The following MAGI2 variants were observed in gnomAD, a reference collection of about 807,000 sequenced individuals.
MAGI2 encodes membrane associated guanylate kinase, WW and PDZ domain containing 2, also known as membrane-associated guanylate kinase, WW and PDZ domain-containing protein 2.
MAGI2 carries 35 observed loss-of-function variants against 133.3 expected under a neutral mutation model. That is an observed-to-expected ratio of 0.26 (90% CI 0.20 to 0.35). The LOEUF is 0.35. Ranked by LOEUF, MAGI2 falls within the 10% of genes least tolerant of loss-of-function variation. The probability of loss-of-function intolerance (pLI) is 1.00; values close to 1 mark genes in which losing one functional copy is unlikely to be tolerated. For missense variants in MAGI2, 1,636 were observed against 1,863.4 expected (o/e 0.88, Z 2.25); for synonymous variants, 729 against 710.6 (o/e 1.03, Z -0.41).
chr7:78,210,808 T>C (rs915864132), intron 10 of MAGI2, among the ~76,000 whole-genome samples: 5 of 152,228 alleles, frequency 3.3e-5, no homozygotes, highest in African/African-American at 1.2e-4. Context: ...ATATTCATAA[T>C]ACAAGACTTT....
chr7:79,414,694 C>T (rs771971679), intron 1 of MAGI2: 2 of 152,080 alleles, frequency 1.3e-5, no homozygotes, highest in Non-Finnish European at 2.9e-5. Flanking sequence ...TTAATATTTA[C>T]CTCTTTGGGC....
intron 2 of MAGI2, among the ~76,000 whole-genome samples, chr7:78,872,786 T>C (rs1037883658): frequency 1.3e-5 from 2 of 152,174 alleles, no homozygotes; most frequent in Non-Finnish European, 2.9e-5. Flanking sequence ...GAGAAGAAGA[T>C]TCTTAACATA....
chr7:79,181,619 T>A (rs1181829506), intron 1 of MAGI2, among the ~76,000 whole-genome samples: 1 of 151,952 alleles, frequency 6.6e-6, no homozygotes, highest in Non-Finnish European at 1.5e-5. Context: ...TTTTTCCCAT[T>A]GTCTTAGTGA....
intron 1 of MAGI2, among the ~76,000 whole-genome samples, chr7:79,246,006 G>T (rs1449946459): frequency 2.0e-5 from 3 of 152,158 alleles, no homozygotes; most frequent in Non-Finnish European, 2.9e-5. Context: ...AATTGTTCTG[G>T]ATCTTATCCA....
At chr7:78,884,106 T>C (rs1459397824) in intron 2 of MAGI2, among the ~76,000 whole-genome samples, 1 of 152,006 alleles carries the variant, frequency 6.6e-6, no homozygotes, top group African/African-American at 2.4e-5. Flanking sequence ...AAACTATGCA[T>C]CCAACAAAGG....
intron 11 of MAGI2, among the ~76,000 whole-genome samples, chr7:78,199,263 T>C (rs1829017698): frequency 6.6e-6 from 1 of 152,236 alleles, no homozygotes; most frequent in African/African-American, 2.4e-5. Flanking sequence ...ACCTACATAC[T>C]GTGGGTATAT....
At chr7:79,171,252 G>A (rs1218671195) in intron 1 of MAGI2, among the ~76,000 whole-genome samples, 2 of 152,096 alleles carry the variant, frequency 1.3e-5, no homozygotes, top group South Asian at 2.1e-4. Flanking sequence ...AGCTTCTGGC[G>A]TTTCTTTGGC....
chr7:78,186,392 C>T (rs1362371288), intron 12 of MAGI2, among the ~76,000 whole-genome samples: 1 of 152,126 alleles, frequency 6.6e-6, no homozygotes. Flanking sequence ...CATACATGAA[C>T]ATTTTTCAGG....
intron 6 of MAGI2, among the ~76,000 whole-genome samples, chr7:78,410,457 C>T (rs753336052): frequency 1.3e-5 from 2 of 151,954 alleles, no homozygotes; most frequent in Non-Finnish European, 2.9e-5. Flanking sequence ...TTTCAATCAT[C>T]TTTGTTTCCA....
intron 2 of MAGI2, among the ~76,000 whole-genome samples, chr7:78,862,796 C>T (rs1158577946): frequency 1.3e-5 from 2 of 152,110 alleles, no homozygotes; most frequent in Admixed American, 1.3e-4. Flanking sequence ...GCTACGATAC[C>T]ACAGACTTGG....
chr7:79,264,036 G>T (rs1834267101), intron 1 of MAGI2, among the ~76,000 whole-genome samples: 1 of 152,108 alleles, frequency 6.6e-6, no homozygotes, highest in African/African-American at 2.4e-5. Flanking sequence ...TTTTCAAGAA[G>T]CCACCACATT....
intron 1 of MAGI2, among the ~76,000 whole-genome samples, chr7:79,334,490 G>C (rs962868089): frequency 1.3e-5 from 2 of 152,060 alleles, no homozygotes; most frequent in African/African-American, 4.8e-5. Flanking sequence ...TTACAACAAA[G>C]CAACATCTGG....
In MAGI2 at chr7:78,762,160, T is replaced by TTGGATTAAAACAAGTAGAGATTTG. The variant is rs1335630506; in HGVS notation, c.419-134922_419-134921insCAAATCTCTACTTGTTTTAATCCA. ...GACTGCCAAGAACAAGTAGAGATTT[T>TTGGATTAAAACAAGTAGAGATTTG]TGGCCGGGCATGGTGGCTGGCACCT... On this transcript the variant is annotated intron_variant, in intron 2 of 21. Coordinates refer to ENST00000354212, the MANE Select transcript of MAGI2 (RefSeq NM_012301.4). Among the ~76,000 whole-genome samples, 3 of 152,148 alleles carry TTGGATTAAAACAAGTAGAGATTTG rather than the reference T, an allele frequency of 2.0e-5. No homozygotes were observed. The East Asian group carries it at 5.8e-4, about 29-fold the overall frequency.
At chr7:78,427,658 A>G (rs1799413547) in intron 6 of MAGI2, among the ~76,000 whole-genome samples, 1 of 137,286 alleles carries the variant, frequency 7.3e-6, no homozygotes, top group Non-Finnish European at 1.5e-5. Flanking sequence ...GAACAAAAAG[A>G]CAAAAAAAAA....
chr7:78,280,424 G>T (rs1399554002), intron 9 of MAGI2, among the ~76,000 whole-genome samples: 1 of 152,098 alleles, frequency 6.6e-6, no homozygotes, highest in Non-Finnish European at 1.5e-5. Flanking sequence ...CATATTGTTT[G>T]TAAGAGACCT....
chr7:79,140,749 C>T (rs1277205648), intron 1 of MAGI2, among the ~76,000 whole-genome samples: 1 of 152,032 alleles, frequency 6.6e-6, no homozygotes, highest in Non-Finnish European at 1.5e-5. Context: ...TGGCTTTGAT[C>T]TATTTGGTAT....
chr7:78,809,446 T>C (rs574561929), intron 2 of MAGI2, among the ~76,000 whole-genome samples: 1 of 152,230 alleles, frequency 6.6e-6, no homozygotes, highest in Non-Finnish European at 1.5e-5. Context: ...ATTATGTGTA[T>C]GTGCAATGAA....
At chr7:78,851,571 T>A (rs1793142982) in intron 2 of MAGI2, among the ~76,000 whole-genome samples, 1 of 152,244 alleles carries the variant, frequency 6.6e-6, no homozygotes, top group South Asian at 2.1e-4. Flanking sequence ...CAAGGTTTGT[T>A]TCTATATGCC....
At chr7:79,301,962 G>T (rs1045651977) in intron 1 of MAGI2, among the ~76,000 whole-genome samples, 2 of 152,190 alleles carry the variant, frequency 1.3e-5, no homozygotes, top group East Asian at 3.9e-4. Context: ...CATGGGATGT[G>T]CCTGTTCCTC....
Sources: allele counts gnomAD v4.1 joint callset (sites outside exome capture counted in the v4.1 genomes callset), GRCh38; gene constraint gnomAD v4.1.1; transcripts MANE v1.5; gene names NCBI Gene and HGNC (gene_info 2026-07-23, HGNC 2026-07-21).